The following CEP162 variants were observed in gnomAD, a reference collection of about 807,000 sequenced individuals.
CEP162 encodes the protein centrosomal protein of 162 kDa.
In CEP162, 141 loss-of-function variants were observed where a neutral mutation model predicts 169.2. That is an observed-to-expected ratio of 0.83 (90% CI 0.73 to 0.96). CEP162 has a LOEUF of 0.96. CEP162 is among the 40% of genes least tolerant of loss of function. CEP162 has a pLI of 0.00. For missense variants in CEP162, 1,600 were observed against 1,587.2 expected (o/e 1.01, Z -0.14); for synonymous variants, 540 against 526.4 (o/e 1.03, Z -0.35).
At position 84,163,127 on chromosome 6, in the gene CEP162, T is replaced by G. The variant is rs778414030; in HGVS notation, c.2512+17A>C. On this transcript the variant is annotated intron_variant, in intron 19 of 26. Coordinates refer to ENST00000403245, the MANE Select transcript of CEP162 (RefSeq NM_014895.4). The stretch of plus-strand genomic sequence containing the variant: ...GTTATGATTATAAAGGTACACTGTT[T>G]CAGCTCAGTGTTTTACCTGTGACAT... The G allele has an allele frequency of 6.2e-7, 1 of 1,611,154 alleles. No homozygotes were observed. The highest frequency in any genetic ancestry group is 8.5e-7 in the Non-Finnish European group (1 of 1,177,950).
intron 7 of CEP162, among the ~76,000 whole-genome samples, chr6:84,203,091 G>T (rs943441971): frequency 6.6e-6 from 1 of 152,096 alleles, no homozygotes; most frequent in Non-Finnish European, 1.5e-5. Context: ...AATATTAATT[G>T]TTCTACTAGC....
intron 14 of CEP162, 93 bp downstream of exon 14, chr6:84,175,121 A>G: frequency 1.1e-6 from 1 of 950,324 alleles, no homozygotes; most frequent in Non-Finnish European, 1.5e-6. Context: ...AGGAAAAGAC[A>G]TTTCAGTCCT....
intron 6 of CEP162, 52 bp downstream of exon 6, chr6:84,212,905 A>C: frequency 9.3e-7 from 1 of 1,079,804 alleles, no homozygotes; most frequent in East Asian, 2.6e-5. Context: ...GTCTTTATTA[A>C]AAGCTATATT....
chr6:84,173,806 C>T (rs1001388650), intron 16 of CEP162, among the ~76,000 whole-genome samples: 1 of 151,580 alleles, frequency 6.6e-6, no homozygotes, highest in Non-Finnish European at 1.5e-5. Context: ...GCCTCAACCT[C>T]CCAAGTAGCT....
At chr6:84,186,273 T>C (rs1471193471) in intron 12 of CEP162, 59 bp downstream of exon 12, 28 of 938,096 alleles carry the variant, frequency 3.0e-5, no homozygotes, top group Admixed American at 1.3e-4. Context: ...ATAGTACTTA[T>C]ATACTTTACA....
intron 21 of CEP162, among the ~76,000 whole-genome samples, chr6:84,159,371 TAAAG>T: frequency 6.6e-6 from 1 of 150,410 alleles, no homozygotes; most frequent in Non-Finnish European, 1.5e-5. Flanking sequence ...AGTTATCTAA[TAAAG>T]AAGTAGCTCC....
intron 25 of CEP162, among the ~76,000 whole-genome samples, chr6:84,144,895 T>C (rs796153136): frequency 2.0e-5 from 3 of 152,236 alleles, no homozygotes; most frequent in African/African-American, 7.2e-5. Context: ...CCTCTATCTC[T>C]CCAGAAACCA....
chr6:84,204,165 G>A (rs1562080569), intron 6 of CEP162, 69 bp from the exon 7 acceptor site: 1 of 894,790 alleles, frequency 1.1e-6, no homozygotes, highest in Non-Finnish European at 1.7e-6. Context: ...GGAAAAGGCT[G>A]TTGATTTCGA....
intron 25 of CEP162, among the ~76,000 whole-genome samples, chr6:84,138,852 T>C (rs1333981669): frequency 6.6e-6 from 1 of 152,220 alleles, no homozygotes; most frequent in Non-Finnish European, 1.5e-5. Flanking sequence ...CAAAGTTTTA[T>C]GTACATCTTA....
At chr6:84,222,203 G>A (rs887186296) in intron 2 of CEP162, among the ~76,000 whole-genome samples, 1 of 152,056 alleles carries the variant, frequency 6.6e-6, no homozygotes, top group Non-Finnish European at 1.5e-5. Flanking sequence ...AGGCACCAAA[G>A]GCCTCCGAAA....
chr6:84,194,963 C>G lies in CEP162; in HGVS notation c.948G>C (p.Val316=). 2 of 1,613,432 alleles carry G rather than the reference C, an allele frequency of 1.2e-6. No homozygotes were observed. Among genetic ancestry groups the G allele is most frequent in the South Asian group, 2.2e-5 (2 of 90,972 alleles). The stretch of plus-strand genomic sequence containing the variant: ...CTTTCACTGAGCTCTTGATATCTTC[C>G]ACTGTGTTACTCTCAATTTTTTGTT... ...EDKQKIESNT[V]EDIKSSVKGH... The change falls in exon 10 of 27, where the codon GTG becomes GTC. Residue 316 remains valine, a synonymous_variant. Coordinates refer to ENST00000403245, the MANE Select transcript of CEP162 (RefSeq NM_014895.4).
At chr6:84,213,740 C>A (rs552401330) in intron 5 of CEP162, among the ~76,000 whole-genome samples, 1 of 152,234 alleles carries the variant, frequency 6.6e-6, no homozygotes, top group Admixed American at 6.5e-5. Context: ...GATAAGAATA[C>A]TGTTAAGAAA....
intron 21 of CEP162, among the ~76,000 whole-genome samples, chr6:84,155,752 C>T (rs1011918135): frequency 6.6e-6 from 1 of 152,108 alleles, no homozygotes; most frequent in Non-Finnish European, 1.5e-5. Flanking sequence ...AATAGAAAAA[C>T]ATCCCATGTG....
rs375499718 is a variant in CEP162 at position 84,204,026 on chromosome 6, A to G, written c.642T>C (p.Pro214=). 2 of 1,610,422 alleles carry G rather than the reference A, an allele frequency of 1.2e-6. No homozygotes were observed. Among genetic ancestry groups the G allele is most frequent in the African/African-American group, 2.7e-5 (2 of 74,820 alleles). Residue 214 remains proline (P), a synonymous_variant, in exon 7 of 27, where the codon CCT becomes CCC. Coordinates refer to ENST00000403245, the MANE Select transcript of CEP162 (RefSeq NM_014895.4). ...APLTTKDEEM[P]SKENSKSEKI... Reference sequence around the variant, plus strand: ...TTTCTGATTTGGAATTCTCTTTGGAAGGCATCTCTTCATCTTTAGTAGTCA... The same window carrying G: ...TTTCTGATTTGGAATTCTCTTTGGAGGGCATCTCTTCATCTTTAGTAGTCA...
intron 19 of CEP162, 130 bp from the exon 20 acceptor site, chr6:84,162,039 AACAACTGATGTAT>A (rs2099525991): frequency 3.2e-6 from 2 of 622,972 alleles, no homozygotes; most frequent in African/African-American, 3.7e-5. Context: ...AGAAGCATAA[AACAACTGATGTAT>A]ACAACATAGT....
chr6:84,125,114 C>CA lies in CEP162; in HGVS notation c.4167dup (p.Val1390CysfsTer8), dbSNP rs911664094. 4 of 1,613,288 alleles carry CA rather than the reference C, an allele frequency of 2.5e-6. No individual in the cohort carries two copies. In the Admixed American group the frequency reaches 5.0e-5, roughly 20 times the overall value. On this transcript the variant is annotated frameshift_variant, in exon 27 of 27. Transcript: ENST00000403245. LOFTEE classifies it high-confidence loss of function. ...ATTTCATCTGCAAAAGCAACTGGCA[C>CA]AACCACTCCTTGCCGGTGCAGCTCT...
At chr6:84,172,385 C>G (rs937338502) in intron 16 of CEP162, among the ~76,000 whole-genome samples, 1 of 152,164 alleles carries the variant, frequency 6.6e-6, no homozygotes, top group African/African-American at 2.4e-5. Flanking sequence ...GATGCCCTCC[C>G]TGGCTTATGA....
chr6:84,207,105 G>A (rs1033320099), intron 6 of CEP162, among the ~76,000 whole-genome samples: 14 of 152,284 alleles, frequency 9.2e-5, no homozygotes, highest in East Asian at 3.9e-4. Context: ...AAACAGGAAC[G>A]CTTTTACACT....
chr6:84,212,546 C>T (rs1237276136), intron 6 of CEP162, among the ~76,000 whole-genome samples: 16 of 151,186 alleles, frequency 1.1e-4, no homozygotes, highest in Non-Finnish European at 7.4e-5. Context: ...AGAAGAATAG[C>T]TAAAAAGCCA....
Sources: allele counts gnomAD v4.1 joint callset (sites outside exome capture counted in the v4.1 genomes callset), GRCh38; gene constraint gnomAD v4.1.1; transcripts MANE v1.5; gene names NCBI Gene and HGNC (gene_info 2026-07-23, HGNC 2026-07-21).